SCAI: variants seen among roughly 807,000 people sequenced by gnomAD.
SCAI encodes the protein suppressor of cancer cell invasion.
In SCAI, 24 loss-of-function variants were observed where a neutral mutation model predicts 92.2. The ratio of observed to expected loss-of-function variants is 0.26; its 90% confidence interval spans 0.19 to 0.37. The LOEUF (loss-of-function observed/expected upper bound fraction) is 0.37, where lower values mean the gene tolerates loss of function less well. SCAI is among the 10% of genes least tolerant of loss of function. SCAI has a pLI of 1.00. For synonymous variants in SCAI, 261 were observed against 258.6 expected (o/e 1.01, Z -0.09); for missense variants, 450 against 736.2 (o/e 0.61, Z 4.50).
chr9:124,987,117 A>G (rs9942955), intron 14 of SCAI, among the ~76,000 whole-genome samples: 94,252 of 151,944 alleles, frequency 0.62, 29,539 homozygotes, highest in Admixed American at 0.66. Context: ...ACTGCCTCCC[A>G]GGTTCAAGAG....
chr9:124,999,322 G>A (rs1832311197), intron 13 of SCAI, among the ~76,000 whole-genome samples: 1 of 151,834 alleles, frequency 6.6e-6, no homozygotes, highest in African/African-American at 2.4e-5. Flanking sequence ...AGGAGGCAGA[G>A]GTTGCAGTGA....
intron 4 of SCAI, among the ~76,000 whole-genome samples, chr9:125,028,681 C>G (rs889323182): frequency 1.3e-5 from 2 of 148,740 alleles, no homozygotes; most frequent in African/African-American, 2.4e-5. Context: ...AAAGAAACTA[C>G]TTTGGCCAAT....
chr9:125,016,185 TAAAATAAAATAA>T (rs1564379770), intron 9 of SCAI, among the ~76,000 whole-genome samples: 9 of 146,652 alleles, frequency 6.1e-5, no homozygotes, highest in South Asian at 2.1e-4. Context: ...TATAATAAAA[TAAAATAAAATAA>T]AATAAAATAA....
chr9:124,970,962 G>A (rs948720166), intron 17 of SCAI, among the ~76,000 whole-genome samples: 12 of 151,800 alleles, frequency 7.9e-5, no homozygotes, highest in Non-Finnish European at 1.3e-4. Flanking sequence ...TTACAGGCGC[G>A]TGCCACCATA....
At chr9:125,098,821 T>C (rs1483083671) in intron 2 of SCAI, among the ~76,000 whole-genome samples, 1 of 152,214 alleles carries the variant, frequency 6.6e-6, no homozygotes, top group Non-Finnish European at 1.5e-5. Context: ...AGGCTAGTAC[T>C]GGAGATGTTT....
chr9:125,046,316 T>A (rs28437737), intron 3 of SCAI, among the ~76,000 whole-genome samples: 1 of 70,960 alleles, frequency 1.4e-5, no homozygotes, highest in South Asian at 6.8e-4. Flanking sequence ...CATATATATA[T>A]ACACACACAC....
intron 2 of SCAI, among the ~76,000 whole-genome samples, chr9:125,112,568 C>T (rs2131234411): frequency 6.6e-6 from 1 of 152,304 alleles, no homozygotes; most frequent in South Asian, 2.1e-4. Flanking sequence ...TGTCACATGA[C>T]AAACAGGATA....
chr9:125,010,312 T>C (rs1353966172), intron 9 of SCAI, among the ~76,000 whole-genome samples: 1 of 152,238 alleles, frequency 6.6e-6, no homozygotes, highest in East Asian at 1.9e-4. Context: ...CCTGGAAAAT[T>C]GGGTCACTTC....
chr9:125,017,863 C>T lies in SCAI; in HGVS notation c.861+936G>A, dbSNP rs542863250. ...CTCTACTAAATATACAAAAATTAGC[C>T]GGGTGTGGTGGTATGTGCCTGTAAT... On this transcript the variant is annotated intron_variant, in intron 9 of 17. Coordinates refer to ENST00000336505, the MANE Select transcript of SCAI (RefSeq NM_001144877.3). 9.9e-5 allele frequency among the ~76,000 whole-genome samples: 15 copies of T among 151,614 alleles called. No individual in the cohort carries two copies. The East Asian group carries it at 2.6e-3, about 26-fold the overall frequency.
At chr9:125,003,819 C>T (rs1832415405) in intron 9 of SCAI, 1 of 434,956 alleles carries the variant, frequency 2.3e-6, no homozygotes, top group Admixed American at 3.9e-5. Context: ...ACATACCTCT[C>T]CAGCCATATA....
chr9:125,094,635 G>A (rs1472225046), intron 2 of SCAI, among the ~76,000 whole-genome samples: 1 of 152,128 alleles, frequency 6.6e-6, no homozygotes, highest in Non-Finnish European at 1.5e-5. Context: ...CCAAGTAGCT[G>A]GGACTACAGG....
intron 17 of SCAI, among the ~76,000 whole-genome samples, chr9:124,958,415 T>G (rs1185649211): frequency 6.6e-6 from 1 of 152,236 alleles, no homozygotes; most frequent in Non-Finnish European, 1.5e-5. Context: ...TCCTTATACA[T>G]ATATGCTTAA....
At chr9:125,005,393 G>A (rs9777379) in intron 9 of SCAI, among the ~76,000 whole-genome samples, 3,094 of 152,250 alleles carry the variant, frequency 0.02, 92 homozygotes, top group African/African-American at 0.07. Flanking sequence ...GTGCAACGGC[G>A]CAATCTCGGC....
chr9:125,095,208 C>G (rs901214416), intron 2 of SCAI, among the ~76,000 whole-genome samples: 5 of 152,298 alleles, frequency 3.3e-5, no homozygotes, highest in African/African-American at 9.6e-5. Flanking sequence ...CAGGGCAACT[C>G]TAAAAGTCCA....
chr9:125,085,881 G>C (rs1308401408), intron 2 of SCAI, among the ~76,000 whole-genome samples: 1 of 152,302 alleles, frequency 6.6e-6, no homozygotes, highest in Admixed American at 6.5e-5. Context: ...CAAGACTGCT[G>C]ACTGAGGATT....
At chr9:125,026,311 T>C (rs547645834) in intron 6 of SCAI, among the ~76,000 whole-genome samples, 1 of 145,480 alleles carries the variant, frequency 6.9e-6, no homozygotes, top group African/African-American at 2.6e-5. Context: ...GAAGTGGAGG[T>C]GGAGGTTGCA....
intron 2 of SCAI, among the ~76,000 whole-genome samples, chr9:125,112,911 A>G (rs1834959938): frequency 6.6e-6 from 1 of 152,248 alleles, no homozygotes; most frequent in African/African-American, 2.4e-5. Context: ...CCAATGACCA[A>G]AGCTAGAACA....
chr9:124,951,622 G>A lies in SCAI; in HGVS notation c.*1185C>T, dbSNP rs1831237184. The stretch of plus-strand genomic sequence containing the variant: ...GATGTGATCCTGTACAGAAAATTAG[G>A]TATAAGGCCTTCTCATTCATAGATT... On this transcript the variant is annotated 3_prime_UTR_variant, in exon 18 of 18. Transcript: ENST00000336505. 1 of 152,126 alleles carries A rather than the reference G, an allele frequency of 6.6e-6. No individual in the cohort carries two copies. The allele number at this position is 152,126 out of a possible 1,614,324, so 9.4% of individuals were successfully genotyped here.
intron 15 of SCAI, chr9:124,975,285 A>C (rs1271014542): frequency 1.1e-5 from 5 of 455,428 alleles, no homozygotes; most frequent in Middle Eastern, 3.2e-4. Context: ...TCTCTCAGGC[A>C]TTCAAATGCT....
Sources: allele counts gnomAD v4.1 joint callset (sites outside exome capture counted in the v4.1 genomes callset), GRCh38; gene constraint gnomAD v4.1.1; transcripts MANE v1.5; gene names NCBI Gene and HGNC (gene_info 2026-07-23, HGNC 2026-07-21).